PAK3: variants seen among roughly 807,000 people sequenced by gnomAD.
PAK3 encodes p21 (RAC1) activated kinase 3, also known as serine/threonine-protein kinase PAK 3.
PAK3 carries 4 observed loss-of-function variants against 41.0 expected under a neutral mutation model. That is an observed-to-expected ratio of 0.10 (90% CI 0.05 to 0.22). PAK3 has a LOEUF of 0.22. PAK3 is among the 10% of genes least tolerant of loss of function. PAK3 has a pLI of 1.00. For missense variants in PAK3, 205 were observed against 409.9 expected, an observed-to-expected ratio of 0.50 and a Z score of 4.32; for synonymous variants, 146 against 139.6, an observed-to-expected ratio of 1.05 and a Z score of -0.32.
At chrX:111,086,548 T>C (rs1372600098) in intron 1 of PAK3, among the ~76,000 whole-genome samples, 1 of 111,394 alleles carries the variant, frequency 9.0e-6, no homozygotes, top group Non-Finnish European at 1.9e-5. Flanking sequence ...AATCTCACGA[T>C]TAGTGAGAAA....
intron 1 of PAK3, among the ~76,000 whole-genome samples, chrX:110,957,084 GC>G (rs966306450): frequency 1.8e-5 from 2 of 111,801 alleles, no homozygotes; most frequent in Admixed American, 1.9e-4. Context: ...CAATGTTTCT[GC>G]CTTGGTTCAG....
intron 11 of PAK3, among the ~76,000 whole-genome samples, chrX:111,178,972 T>TAG (rs200797515): frequency 2.1e-4 from 18 of 86,262 alleles, no homozygotes; most frequent in African/African-American, 1.2e-3. Context: ...TATATATATA[T>TAG]ATATATATAG....
chrX:111,187,553 T>A (rs2094522387), intron 11 of PAK3, among the ~76,000 whole-genome samples: 1 of 111,228 alleles, frequency 9.0e-6, no homozygotes, highest in African/African-American at 3.3e-5. Flanking sequence ...GGACTACTGT[T>A]CTCAACCCAG....
At chrX:111,023,639 C>T (rs759037890) in intron 1 of PAK3, among the ~76,000 whole-genome samples, 3 of 112,209 alleles carry the variant, frequency 2.7e-5, no homozygotes, top group African/African-American at 9.7e-5. Context: ...TCTCTAATGA[C>T]CAGTGATGAT....
intron 1 of PAK3, among the ~76,000 whole-genome samples, chrX:111,041,848 A>T (rs900603441): frequency 9.0e-6 from 1 of 111,692 alleles, no homozygotes; most frequent in African/African-American, 3.3e-5. Context: ...TTGAGATTGT[A>T]TTACTACTCA....
At chrX:111,129,747 C>A (rs968146301) in intron 5 of PAK3, among the ~76,000 whole-genome samples, 1 of 111,046 alleles carries the variant, frequency 9.0e-6, no homozygotes, top group Non-Finnish European at 1.9e-5. Flanking sequence ...GAGAAATAAA[C>A]TGAGAGGAAG....
intron 1 of PAK3, among the ~76,000 whole-genome samples, chrX:111,045,023 G>A (rs1355791740): frequency 1.8e-5 from 2 of 111,778 alleles, no homozygotes; most frequent in Non-Finnish European, 3.8e-5. Flanking sequence ...GAAGCCCAAT[G>A]GACAGACATC....
At chrX:111,047,550 C>G (rs956418099) in intron 1 of PAK3, among the ~76,000 whole-genome samples, 1 of 110,770 alleles carries the variant, frequency 9.0e-6, no homozygotes, top group Non-Finnish European at 1.9e-5. Flanking sequence ...CAAAGGGCAC[C>G]AGCAAAGCCC....
At chrX:111,148,840 C>T (rs1275003227) in intron 7 of PAK3, among the ~76,000 whole-genome samples, 5 of 110,672 alleles carry the variant, frequency 4.5e-5, no homozygotes, top group South Asian at 3.9e-4. Flanking sequence ...CATTCTGCCC[C>T]GGCCCCTCCA....
At chrX:110,984,082 C>T (rs2091496205) in intron 1 of PAK3, among the ~76,000 whole-genome samples, 1 of 112,069 alleles carries the variant, frequency 8.9e-6, no homozygotes, top group Admixed American at 9.5e-5. Context: ...AATCTACTTG[C>T]TTCCGCTCTT....
At chrX:110,969,908 T>A (rs1056101409) in intron 1 of PAK3, among the ~76,000 whole-genome samples, 4 of 112,287 alleles carry the variant, frequency 3.6e-5, no homozygotes, top group African/African-American at 1.3e-4. Context: ...AATGTGTATG[T>A]CAATTTTGGA....
At chrX:111,057,615 T>G (rs1389431749) in intron 1 of PAK3, among the ~76,000 whole-genome samples, 1 of 112,139 alleles carries the variant, frequency 8.9e-6, no homozygotes, top group Non-Finnish European at 1.9e-5. Flanking sequence ...ATCAATTGTC[T>G]TTTTTAATGT....
chrX:111,197,907 C>A lies in PAK3; in HGVS notation c.1407+1267C>A, dbSNP rs190010324. On this transcript the variant is annotated intron_variant, in intron 16 of 17. Coordinates refer to ENST00000372007, the MANE Select transcript of PAK3 (RefSeq NM_002578.5). ...GAAGGGCTTCACCATGTTGGCCAGG[C>A]TGGCCTCAAACTCCTGGCCTCAAGT... 6.8e-3 allele frequency among the ~76,000 whole-genome samples: 764 copies of A among 112,022 alleles called. 9 individuals carry two copies. The highest frequency in any genetic ancestry group is 0.012 in the Non-Finnish European group (617 of 53,155).
At chrX:111,018,842 C>G (rs1427997530) in intron 1 of PAK3, among the ~76,000 whole-genome samples, 3 of 111,761 alleles carry the variant, frequency 2.7e-5, no homozygotes, top group Admixed American at 9.5e-5. Flanking sequence ...TCAAAACATA[C>G]TACGAAGCTT....
At chrX:111,151,782 T>A (rs1202623351) in intron 7 of PAK3, among the ~76,000 whole-genome samples, 1 of 111,756 alleles carries the variant, frequency 8.9e-6, no homozygotes, top group East Asian at 2.8e-4. Context: ...TTTTGCTCTT[T>A]GGGGCCATTA....
At position 111,222,716 on chromosome X, in the gene PAK3, A is replaced by G. The variant is rs1399620531; in HGVS notation, c.*2269A>G. 9.0e-6 allele frequency: 1 copy of G among 111,577 alleles called. No homozygotes were observed. The highest frequency in any genetic ancestry group is 1.9e-5 in the Non-Finnish European group (1 of 53,042). The allele number at this position is 111,577 out of a possible 1,213,427, so 9.2% of individuals were successfully genotyped here. A position where few individuals can be genotyped will look rare whatever the true frequency, so the allele number is the denominator to read the frequency against. Reference sequence around the variant, plus strand: ...GGAGAGAGCCCAATACCTGGTTAGGAAGCCCTATTCATTAGTTAGCATCCC... The same window carrying G: ...GGAGAGAGCCCAATACCTGGTTAGGGAGCCCTATTCATTAGTTAGCATCCC... On this transcript the variant is annotated 3_prime_UTR_variant, in exon 18 of 18. Transcript: ENST00000372007.
intron 1 of PAK3, among the ~76,000 whole-genome samples, chrX:111,061,102 T>C (rs1569293964): frequency 8.9e-6 from 1 of 111,931 alleles, no homozygotes; most frequent in East Asian, 2.8e-4. Context: ...ATATTCTAGA[T>C]AAAAATCTTA....
intron 17 of PAK3, among the ~76,000 whole-genome samples, chrX:111,218,001 T>C (rs769076952): frequency 8.9e-6 from 1 of 112,524 alleles, no homozygotes; most frequent in African/African-American, 3.2e-5. Flanking sequence ...GATACAAAAT[T>C]GTATTTTGAG....
rs1269132212 is a variant in PAK3, at chrX:111,115,834, T to C, written c.-27-7243T>C. ...CCCAGGTAGCTCTTCTCTTCAGATG[T>C]GAAATGGACACCTTCCCTGTAGAAA... On this transcript the variant is annotated intron_variant, in intron 4 of 17. Coordinates refer to ENST00000372007, the MANE Select transcript of PAK3 (RefSeq NM_002578.5). Among the ~76,000 whole-genome samples the C allele has an allele frequency of 3.6e-5, 4 of 110,968 alleles. No individual in the cohort carries two copies. In the Admixed American group the frequency reaches 3.9e-4, roughly 11 times the overall value.
Sources: allele counts gnomAD v4.1 joint callset (sites outside exome capture counted in the v4.1 genomes callset), GRCh38; gene constraint gnomAD v4.1.1; transcripts MANE v1.5; gene names NCBI Gene and HGNC (gene_info 2026-07-23, HGNC 2026-07-21).